The following TRIO variants were observed in gnomAD, a reference collection of about 807,000 sequenced individuals.
TRIO encodes the protein triple functional domain protein.
Under a neutral mutation model 351.9 loss-of-function variants are expected in TRIO, and 58 were observed. The observed-to-expected ratio is 0.16, with a 90% CI of 0.13 to 0.21. The LOEUF is 0.21. Among genes scored for constraint, TRIO ranks in the 10% least tolerant of loss-of-function variants. TRIO has a pLI of 1.00. For missense variants in TRIO, 3,201 were observed against 4,027.8 expected, an observed-to-expected ratio of 0.79 and a Z score of 5.56; for synonymous variants, 1,758 against 1,595.7, an observed-to-expected ratio of 1.10 and a Z score of -2.42.
chr5:14,380,817 C>G (rs1010602303), intron 20 of TRIO, among the ~76,000 whole-genome samples: 3 of 152,168 alleles, frequency 2.0e-5, no homozygotes, highest in African/African-American at 2.4e-5. Context: ...GGAACCAACC[C>G]AAATGCCCAT....
rs1561578025 is a variant in TRIO, at chr5:14,508,499, A to T, written c.*77A>T. The T allele has an allele frequency of 2.7e-6, 4 of 1,494,110 alleles. No homozygotes were observed. Among genetic ancestry groups the T allele is most frequent in the Non-Finnish European group, 2.7e-6 (3 of 1,109,688 alleles). The allele number at this position is 1,494,110 out of a possible 1,614,324, so 92.6% of individuals were successfully genotyped here. ...TCTGAATTTTCAAGAGAAAACAAGC[A>T]AACATAACTGATCAGCTGCCGGTAT... On this transcript the variant is annotated 3_prime_UTR_variant, in exon 57 of 57. Transcript: ENST00000344204.
chr5:14,373,795 A>AC (rs895438734), intron 18 of TRIO, among the ~76,000 whole-genome samples: 13 of 152,132 alleles, frequency 8.5e-5, no homozygotes, highest in African/African-American at 3.1e-4. Flanking sequence ...AGACTGTATG[A>AC]CCCCCCAAAA....
chr5:14,430,796 A>G (rs1393435677), intron 34 of TRIO, among the ~76,000 whole-genome samples: 2 of 151,824 alleles, frequency 1.3e-5, no homozygotes, highest in African/African-American at 4.8e-5. Context: ...GCTCACCGCA[A>G]TCTCCGCCTC....
chr5:14,154,282 G>A (rs955579755), intron 1 of TRIO, among the ~76,000 whole-genome samples: 11 of 152,274 alleles, frequency 7.2e-5, no homozygotes, highest in Non-Finnish European at 1.6e-4. Flanking sequence ...CTTGCTGTGT[G>A]TGACACATTA....
chr5:14,316,623 C>T lies in TRIO; in HGVS notation c.1611C>T (p.Val537=), dbSNP rs1581602596. ...ACTACTCCAAGGCCGTGCACCATGT[C>T]CTGGATGTCATCCACGAGGTGCTGC... is the stretch of plus-strand genomic sequence containing the variant. ...SANYSKAVHH[V]LDVIHEVLHH... Residue 537 remains valine (V), a synonymous_variant, in exon 9 of 57, where the codon GTC becomes GTT. Coordinates refer to ENST00000344204, the MANE Select transcript of TRIO (RefSeq NM_007118.4). 1.9e-6 allele frequency: 3 copies of T among 1,614,092 alleles called. No individual in the cohort carries two copies. In the Admixed American group the frequency reaches 5.0e-5, roughly 27 times the overall value.
At chr5:14,392,805 G>A (rs544800922) in intron 27 of TRIO, among the ~76,000 whole-genome samples, 103 of 152,322 alleles carry the variant, frequency 6.8e-4, no homozygotes, top group African/African-American at 2.3e-3. Context: ...CCAGCACTTT[G>A]GGAGGCCAAG....
intron 1 of TRIO, among the ~76,000 whole-genome samples, chr5:14,265,813 C>A (rs1450285195): frequency 6.6e-6 from 1 of 152,140 alleles, no homozygotes; most frequent in African/African-American, 2.4e-5. Context: ...AGATATTTCA[C>A]TGTTGAATGA....
chr5:14,475,775 GAC>G (rs1186649998), intron 40 of TRIO, among the ~76,000 whole-genome samples: 1 of 152,358 alleles, frequency 6.6e-6, no homozygotes, highest in East Asian at 1.9e-4. Flanking sequence ...AGCTGAAAAT[GAC>G]ACAGTGTTTC....
chr5:14,427,193 A>G (rs544580123), intron 34 of TRIO, among the ~76,000 whole-genome samples: 1 of 151,206 alleles, frequency 6.6e-6, no homozygotes, highest in Non-Finnish European at 1.5e-5. Flanking sequence ...TCCTCACCCC[A>G]CCCCTTTCTG....
At chr5:14,311,612 G>C (rs1738940978) in intron 8 of TRIO, among the ~76,000 whole-genome samples, 1 of 152,208 alleles carries the variant, frequency 6.6e-6, no homozygotes, top group African/African-American at 2.4e-5. Context: ...TGTTGCTGCA[G>C]AATAAGCTGG....
At chr5:14,481,184 C>T in intron 43 of TRIO, 50 bp from the exon 44 acceptor site, 1 of 1,571,644 alleles carries the variant, frequency 6.4e-7, no homozygotes, top group Non-Finnish European at 8.6e-7. Flanking sequence ...AAAAGGTCAG[C>T]TGCTGTTGTC....
chr5:14,398,794 T>C, intron 29 of TRIO, 86 bp from the exon 30 acceptor site: 20 of 702,822 alleles, frequency 2.8e-5, no homozygotes, highest in Non-Finnish European at 3.9e-5. Context: ...ATTTTTAAAA[T>C]TGTTGAAAAT....
intron 35 of TRIO, 43 bp downstream of exon 35, chr5:14,461,354 G>C: frequency 6.8e-7 from 1 of 1,465,200 alleles, no homozygotes; most frequent in Non-Finnish European, 9.0e-7. Context: ...GGCGGGGCCC[G>C]CTGGGCTTTT....
intron 21 of TRIO, among the ~76,000 whole-genome samples, chr5:14,382,098 C>T (rs1746157406): frequency 2.0e-5 from 3 of 152,018 alleles, no homozygotes; most frequent in Non-Finnish European, 2.9e-5. Flanking sequence ...TGACAGATTT[C>T]GAGTTTTTGG....
chr5:14,497,018 G>T lies in TRIO; in HGVS notation c.8019+1G>T, dbSNP rs531760224. ...ACTCAGCAACAAGGTATCTGTGAAGGTGTGTTCGGGGGTCTTCAGGAGTCC... is the reference window on the plus strand; with the variant it reads ...ACTCAGCAACAAGGTATCTGTGAAGTTGTGTTCGGGGGTCTTCAGGAGTCC... On this transcript the variant is annotated splice_donor_variant, in intron 50 of 56. Coordinates refer to ENST00000344204, the MANE Select transcript of TRIO (RefSeq NM_007118.4). LOFTEE classifies it high-confidence loss of function. The surrounding 1 kb of genome is among the most constrained non-coding windows in gnomAD (Gnocchi z 4.4). The T allele has an allele frequency of 2.5e-6, 4 of 1,614,166 alleles. No homozygotes were observed. The East Asian group carries it at 6.7e-5, about 27-fold the overall frequency.
chr5:14,482,739 C>G lies in TRIO; in HGVS notation c.6623C>G (p.Ser2208Cys). The G allele has an allele frequency of 6.2e-7, 1 of 1,606,864 alleles. No homozygotes were observed. Among genetic ancestry groups the G allele is most frequent in the Non-Finnish European group, 8.5e-7 (1 of 1,175,956 alleles). The stretch of plus-strand genomic sequence containing the variant: ...CCACTTGATAAAAAGAAGGGCTTCT[C>G]CATGCCGGGATTCCTGTTTAAGAAC... ...SEPLDKKKGF[S>C]MPGFLFKNSI... is the part of the protein sequence containing the mutation. The change falls in exon 46 of 57, where the codon TCC becomes TGC. Residue 2208 changes from serine (S) to cysteine (C), a missense_variant. Around this residue, in one of 19 missense-constraint regions of TRIO, gnomAD observed 1,089 missense variants for 954.9 expected, o/e 1.14. Transcript: ENST00000344204.
At chr5:14,349,890 C>G (rs150040721) in intron 11 of TRIO, among the ~76,000 whole-genome samples, 3 of 152,302 alleles carry the variant, frequency 2.0e-5, no homozygotes, top group Non-Finnish European at 4.4e-5. Flanking sequence ...CCTCCACCTT[C>G]AAGTAGGTCC....
Position 14,488,277 on chromosome 5 carries a change from G to C in TRIO, c.7632+17G>C, listed in dbSNP as rs760638703. 3 of 1,538,254 alleles carry C rather than the reference G, an allele frequency of 2.0e-6. No homozygotes were observed. The highest frequency in any genetic ancestry group is 2.4e-5 in the East Asian group (1 of 41,410). ...AGCAACGGGGTAAGCGCGTCGGGGG[G>C]CCCGCGCCCTCCCGCCCCCCTGCCT... On this transcript the variant is annotated intron_variant, in intron 48 of 56. Transcript: ENST00000344204.
chr5:14,329,074 C>T (rs751302178), intron 9 of TRIO, among the ~76,000 whole-genome samples: 6 of 152,200 alleles, frequency 3.9e-5, no homozygotes, highest in Middle Eastern at 3.2e-3. Flanking sequence ...CTCTGATACT[C>T]ACCAGCTGCT....
Sources: gnomAD v4.1 joint callset for allele counts (sites outside exome capture counted in the v4.1 genomes callset) on GRCh38, gnomAD v4.1.1 for gene constraint, gnomAD v4.1.1 regional missense constraint, Gnocchi (gnomAD v3.1) non-coding constraint, MANE v1.5 for transcripts, NCBI Gene and HGNC (gene_info 2026-07-23, HGNC 2026-07-21) for gene names.